PLAC1: variants seen among roughly 807,000 people sequenced by gnomAD.
The protein encoded by PLAC1 is placenta associated 1, also known as placenta-specific protein 1.
For synonymous variants in PLAC1, 68 were observed against 62.1 expected (o/e 1.09, Z -0.44); for missense variants, 136 against 163.2 (o/e 0.83, Z 0.91).
At chrX:134,613,545 T>C (rs1296032822) in intron 1 of PLAC1, among the ~76,000 whole-genome samples, 1 of 111,040 alleles carries the variant, frequency 9.0e-6, no homozygotes, top group Non-Finnish European at 1.9e-5. Flanking sequence ...TGAAAAGTCA[T>C]CTCCCAGGCT....
chrX:134,620,567 C>A (rs73566638), intron 1 of PLAC1, among the ~76,000 whole-genome samples: 1 of 111,822 alleles, frequency 8.9e-6, no homozygotes, highest in African/African-American at 3.3e-5. Flanking sequence ...TTGTGTGGTA[C>A]GTTAGAAGGA....
chrX:134,648,208 TCTCTTC>T (rs1221075132), intron 1 of PLAC1, among the ~76,000 whole-genome samples: 9 of 111,409 alleles, frequency 8.1e-5, no homozygotes, highest in Admixed American at 7.6e-4. Flanking sequence ...ATAACAGCTA[TCTCTTC>T]AGTGAAGATG....
chrX:134,704,241 C>A (rs2078593439), intron 2 of PLAC1, among the ~76,000 whole-genome samples: 1 of 109,504 alleles, frequency 9.1e-6, no homozygotes, highest in South Asian at 4.0e-4. Flanking sequence ...CACCTGTAAT[C>A]CCAGCACTTC....
intron 1 of PLAC1, among the ~76,000 whole-genome samples, chrX:134,762,812 G>T (rs1296425087): frequency 1.4e-5 from 1 of 70,348 alleles, no homozygotes; most frequent in Non-Finnish European, 2.5e-5. Flanking sequence ...ACAGAATGAG[G>T]CTCTATCTCA....
intron 1 of PLAC1, among the ~76,000 whole-genome samples, chrX:134,623,323 G>A (rs2078220096): frequency 8.9e-6 from 1 of 112,014 alleles, no homozygotes; most frequent in Non-Finnish European, 1.9e-5. Flanking sequence ...GGACACAAGA[G>A]GGAGGATGGC....
intron 2 of PLAC1, among the ~76,000 whole-genome samples, chrX:134,580,482 G>A (rs1358274285): frequency 8.9e-6 from 1 of 112,103 alleles, no homozygotes; most frequent in Non-Finnish European, 1.9e-5. Flanking sequence ...AAGTGGCAAA[G>A]CCAGAACGAG....
At chrX:134,725,208 T>C (rs762528848) in intron 2 of PLAC1, among the ~76,000 whole-genome samples, 6 of 111,661 alleles carry the variant, frequency 5.4e-5, no homozygotes, top group Non-Finnish European at 1.1e-4. Context: ...ATCATGAATG[T>C]CACTGTCACC....
chrX:134,721,408 GA>G (rs762197728), intron 2 of PLAC1, among the ~76,000 whole-genome samples: 1 of 108,382 alleles, frequency 9.2e-6, no homozygotes, highest in East Asian at 2.9e-4. Context: ...CCCCACCTCT[GA>G]AAAAAAAATT....
chrX:134,682,125 A>G (rs2078499600), intron 2 of PLAC1, among the ~76,000 whole-genome samples: 1 of 112,282 alleles, frequency 8.9e-6, no homozygotes, highest in Admixed American at 9.4e-5. Context: ...CTTGCACCCT[A>G]TAGTTTCAGC....
intron 2 of PLAC1, among the ~76,000 whole-genome samples, chrX:134,731,837 CCTT>C (rs1340351588): frequency 8.9e-6 from 1 of 111,760 alleles, no homozygotes; most frequent in Non-Finnish European, 1.9e-5. Context: ...GCTTTTGCCT[CCTT>C]GAGACACCTG....
chrX:134,632,695 C>T (rs190326836), intron 1 of PLAC1, among the ~76,000 whole-genome samples: 69 of 111,954 alleles, frequency 6.2e-4, no homozygotes, highest in African/African-American at 2.0e-3. Context: ...TATGCATCAA[C>T]CAGATGTAAG....
intron 1 of PLAC1, among the ~76,000 whole-genome samples, chrX:134,625,749 T>C (rs1418996316): frequency 9.0e-6 from 1 of 111,365 alleles, no homozygotes; most frequent in Admixed American, 9.6e-5. Context: ...AGGCCAGCAC[T>C]GCCTCAATCT....
intron 2 of PLAC1, among the ~76,000 whole-genome samples, chrX:134,715,677 T>C (rs943737747): frequency 8.9e-6 from 1 of 111,948 alleles, no homozygotes; most frequent in African/African-American, 3.2e-5. Context: ...TTGTCTGCCT[T>C]GAATGGACTA....
chrX:134,578,472 T>A (rs2124357638), intron 2 of PLAC1, among the ~76,000 whole-genome samples: 1 of 98,586 alleles, frequency 1.0e-5, no homozygotes. Context: ...TGCCCAGCCC[T>A]AAAGCCTGGG....
chrX:134,665,154 G>A (rs1456005584), intron 2 of PLAC1, among the ~76,000 whole-genome samples: 3 of 110,024 alleles, frequency 2.7e-5, no homozygotes, highest in Non-Finnish European at 5.7e-5. Flanking sequence ...GTGTGTGTGA[G>A]TGATATAACC....
intron 1 of PLAC1, among the ~76,000 whole-genome samples, chrX:134,743,265 T>A (rs2078721417): frequency 8.9e-6 from 1 of 112,543 alleles, no homozygotes; most frequent in African/African-American, 3.2e-5. Context: ...TATTGCATGT[T>A]TTTTCCTAAT....
At chrX:134,728,120 T>C (rs2078679396) in intron 2 of PLAC1, among the ~76,000 whole-genome samples, 2 of 111,365 alleles carry the variant, frequency 1.8e-5, no homozygotes, top group Admixed American at 1.9e-4. Flanking sequence ...TGAAGAAAAA[T>C]GTCAGAGCCT....
chrX:134,578,133 G>A (rs1322814030), intron 2 of PLAC1, among the ~76,000 whole-genome samples: 4 of 111,213 alleles, frequency 3.6e-5, no homozygotes, highest in Non-Finnish European at 5.7e-5. Flanking sequence ...AAACAAACCA[G>A]CTGGGCGCAG....
intron 2 of PLAC1, among the ~76,000 whole-genome samples, chrX:134,705,311 C>T (rs1284339556): frequency 3.0e-5 from 3 of 101,383 alleles, no homozygotes; most frequent in African/African-American, 7.2e-5. Context: ...CCCAGCTACT[C>T]GGGAGGCTGA....
Sources: allele counts gnomAD v4.1 joint callset (sites outside exome capture counted in the v4.1 genomes callset), GRCh38; gene constraint gnomAD v4.1.1; transcripts MANE v1.5; gene names NCBI Gene and HGNC (gene_info 2026-07-23, HGNC 2026-07-21).